Variants in SORCS2 observed in about 807,000 individuals in gnomAD.
SORCS2 encodes the protein VPS10 domain-containing receptor SorCS2.
In SORCS2, 100 loss-of-function variants were observed where a neutral mutation model predicts 141.6. The observed-to-expected ratio is 0.71, with a 90% CI of 0.60 to 0.83. The LOEUF is 0.83. Ranked by LOEUF, SORCS2 falls within the 40% of genes least tolerant of loss-of-function variation. The pLI is 0.00. For missense variants in SORCS2, 1,646 were observed against 1,560.2 expected, an observed-to-expected ratio of 1.05 and a Z score of -0.93; for synonymous variants, 789 against 676.9, an observed-to-expected ratio of 1.17 and a Z score of -2.57.
At chr4:7,736,768 C>T (rs1056353479) in intron 25 of SORCS2, among the ~76,000 whole-genome samples, 1 of 152,200 alleles carries the variant, frequency 6.6e-6, no homozygotes, top group Non-Finnish European at 1.5e-5. Context: ...GCCCTCTCCC[C>T]ACCACATGCC....
In SORCS2 at chr4:7,286,069, T is replaced by C. The variant is rs528429224; in HGVS notation, c.480+92943T>C. Among the ~76,000 whole-genome samples the C allele has an allele frequency of 6.6e-6, 1 of 152,324 alleles. No homozygotes were observed. Among genetic ancestry groups the C allele is most frequent in the South Asian group, 2.1e-4 (1 of 4,828 alleles). On this transcript the variant is annotated intron_variant, in intron 1 of 26. Transcript: ENST00000507866. The surrounding 1 kb of genome is among the most constrained non-coding windows in gnomAD (Gnocchi z 4.1). ...GCTCCCTGCCTGCCTCCCATCCATC[T>C]TCCCGGTGCCTCTTTGTGGTGGGTG...
chr4:7,723,837 G>C lies in SORCS2; in HGVS notation c.2565G>C (p.Glu855Asp), dbSNP rs758228817. 6.2e-7 allele frequency: 1 copy of C among 1,612,736 alleles called. No homozygotes were observed. The highest frequency in any genetic ancestry group is 8.5e-7 in the Non-Finnish European group (1 of 1,179,858). The change falls in exon 19 of 27, where the codon GAG becomes GAC. Residue 855 changes from glutamate to aspartate, a missense_variant. Coordinates refer to ENST00000507866, the MANE Select transcript of SORCS2 (RefSeq NM_020777.3). ...TCTACCGCGTGTCCGTCAGGGCAGA[G>C]AACACGGCAGGCCACGATGAGGCGG... ...PGIYRVSVRAENTAGHDEAVL... is the reference protein window; with the variant it reads ...PGIYRVSVRADNTAGHDEAVL...
intron 26 of SORCS2, among the ~76,000 whole-genome samples, chr4:7,739,062 G>A (rs529043026): frequency 2.1e-4 from 32 of 152,300 alleles, no homozygotes; most frequent in Non-Finnish European, 3.5e-4. Flanking sequence ...CCCAGACACC[G>A]TCTGACTTCC....
chr4:7,452,051 C>A (rs532121399), intron 2 of SORCS2, among the ~76,000 whole-genome samples: 39 of 152,284 alleles, frequency 2.6e-4, no homozygotes, highest in Admixed American at 7.2e-4. Context: ...TCTGCACAGC[C>A]TTCCCCTCAC....
At position 7,365,592 on chromosome 4, in the gene SORCS2, C is replaced by G. The variant is rs117299102; in HGVS notation, c.481-30696C>G. On this transcript the variant is annotated intron_variant, in intron 1 of 26. Coordinates refer to ENST00000507866, the MANE Select transcript of SORCS2 (RefSeq NM_020777.3). ...CACGCTGATGTGTAAAACAGAGACACGTGGGGTCCCTGCCATCAGTGTGGA... is the reference window on the plus strand; with the variant it reads ...CACGCTGATGTGTAAAACAGAGACAGGTGGGGTCCCTGCCATCAGTGTGGA... Among the ~76,000 whole-genome samples the G allele has an allele frequency of 2.1e-3, 317 of 152,260 alleles. 9 individuals are homozygous for G. The East Asian group carries it at 0.054, about 26-fold the overall frequency.
At chr4:7,406,858 C>T (rs1221631344) in intron 2 of SORCS2, among the ~76,000 whole-genome samples, 1 of 151,568 alleles carries the variant, frequency 6.6e-6, no homozygotes, top group Non-Finnish European at 1.5e-5. Context: ...TTGCTGTATC[C>T]CATAGATTTG....
At chr4:7,701,001 G>C (rs9997607) in intron 12 of SORCS2, among the ~76,000 whole-genome samples, 27,402 of 152,230 alleles carry the variant, frequency 0.18, 2,642 homozygotes, top group Non-Finnish European at 0.21. Context: ...CTGCTCTTCA[G>C]TGAGATCCTG....
intron 3 of SORCS2, among the ~76,000 whole-genome samples, chr4:7,620,177 G>A (rs76960722): frequency 0.024 from 3,716 of 152,168 alleles, 148 homozygotes; most frequent in African/African-American, 0.084. Flanking sequence ...AGAATGATAC[G>A]GGATTCTTAC....
At chr4:7,330,772 G>T (rs1444931401) in intron 1 of SORCS2, among the ~76,000 whole-genome samples, 2 of 151,978 alleles carry the variant, frequency 1.3e-5, no homozygotes, top group Non-Finnish European at 2.9e-5. Flanking sequence ...GACTTCCAGG[G>T]AAGGAACATT....
intron 2 of SORCS2, among the ~76,000 whole-genome samples, chr4:7,514,111 G>A (rs1414610754): frequency 6.6e-6 from 1 of 152,158 alleles, no homozygotes; most frequent in African/African-American, 2.4e-5. Context: ...CCCACAAGCT[G>A]CAAGGGGTGG....
chr4:7,675,914 A>G, intron 8 of SORCS2, 136 bp from the exon 9 acceptor site: 1 of 926,098 alleles, frequency 1.1e-6, no homozygotes, highest in Non-Finnish European at 1.6e-6. Flanking sequence ...CCGAGCCAGG[A>G]GGCAAACCTA....
intron 2 of SORCS2, among the ~76,000 whole-genome samples, chr4:7,407,855 C>A (rs765547701): frequency 2.0e-5 from 3 of 151,798 alleles, no homozygotes; most frequent in Non-Finnish European, 4.4e-5. Flanking sequence ...TAGGTTTTTG[C>A]ATTATGGTTA....
intron 1 of SORCS2, among the ~76,000 whole-genome samples, chr4:7,321,300 T>A (rs191334796): frequency 2.8e-4 from 43 of 152,338 alleles, no homozygotes; most frequent in Non-Finnish European, 5.7e-4. Context: ...CTGAGTAGTA[T>A]TCCATGGTGT....
rs184003776 is a variant in SORCS2, at chr4:7,613,590, G to T, written c.649-24738G>T. Among the ~76,000 whole-genome samples the T allele has an allele frequency of 2.8e-3, 419 of 152,282 alleles. 3 individuals carry two copies. Among genetic ancestry groups the T allele is most frequent in the Non-Finnish European group, 3.4e-3 (234 of 68,002 alleles). On this transcript the variant is annotated intron_variant, in intron 3 of 26. Coordinates refer to ENST00000507866, the MANE Select transcript of SORCS2 (RefSeq NM_020777.3). ...CCCACTAAAGAACAAAGAAGCACAT[G>T]CACCTCACATGGCTCACCAAGAATG...
chr4:7,429,324 C>G (rs1208527719), intron 2 of SORCS2, among the ~76,000 whole-genome samples: 1 of 152,200 alleles, frequency 6.6e-6, no homozygotes, highest in Non-Finnish European at 1.5e-5. Flanking sequence ...ATCCCTGCAC[C>G]CATACGTGCT....
chr4:7,739,168 G>A (rs1277696322), intron 26 of SORCS2, among the ~76,000 whole-genome samples: 4 of 152,198 alleles, frequency 2.6e-5, no homozygotes, highest in African/African-American at 7.2e-5. Flanking sequence ...GTGAAAAGAG[G>A]TGGAGCCGGG....
chr4:7,351,881 C>T (rs1263023342), intron 1 of SORCS2, among the ~76,000 whole-genome samples: 1 of 152,068 alleles, frequency 6.6e-6, no homozygotes, highest in Non-Finnish European at 1.5e-5. Context: ...ATCCATTCAC[C>T]CACTTGTCCA....
chr4:7,422,654 T>C (rs1186037497), intron 2 of SORCS2, among the ~76,000 whole-genome samples: 1 of 151,746 alleles, frequency 6.6e-6, no homozygotes, highest in East Asian at 1.9e-4. Context: ...CTCCTTAGTG[T>C]CTCCCTCATC....
chr4:7,596,811 G>A (rs1277328400), intron 3 of SORCS2, among the ~76,000 whole-genome samples: 4 of 152,176 alleles, frequency 2.6e-5, no homozygotes, highest in African/African-American at 4.8e-5. Context: ...GAGCCTAGGA[G>A]GGGCTTGGAC....
Sources: allele counts gnomAD v4.1 joint callset (sites outside exome capture counted in the v4.1 genomes callset), GRCh38; gene constraint gnomAD v4.1.1; non-coding constraint Gnocchi (gnomAD v3.1); transcripts MANE v1.5; gene names NCBI Gene and HGNC (gene_info 2026-07-23, HGNC 2026-07-21).